Variants in SKP1 observed in about 807,000 individuals in gnomAD.
SKP1 encodes S-phase kinase-associated protein 1.
Under a neutral mutation model 21.5 loss-of-function variants are expected in SKP1, and 1 was observed. The ratio of observed to expected loss-of-function variants is 0.05; its 90% CI spans 0.02 to 0.22. The LOEUF (loss-of-function observed/expected upper bound fraction) is 0.22. Among genes scored for constraint, SKP1 ranks in the 10% least tolerant of loss-of-function variants. The pLI, the probability that SKP1 is intolerant of heterozygous loss-of-function variation, is 1.00. For missense variants in SKP1, 70 were observed against 192.0 expected, an observed-to-expected ratio of 0.36 and a Z score of 3.76; for synonymous variants, 59 against 59.3, an observed-to-expected ratio of 0.99 and a Z score of 0.03.
At chr5:134,160,043 G>A (rs946033994) in intron 4 of SKP1, among the ~76,000 whole-genome samples, 3 of 151,098 alleles carry the variant, frequency 2.0e-5, no homozygotes, top group African/African-American at 7.3e-5. Context: ...AAAAGAATAT[G>A]TATTCTGCTA....
intron 3 of SKP1, 108 bp downstream of exon 3, chr5:134,167,062 T>A (rs1201911532): frequency 2.0e-5 from 13 of 638,534 alleles, no homozygotes; most frequent in Non-Finnish European, 3.6e-5. Flanking sequence ...TAAATGTAAT[T>A]TTAAGCAGTA....
At position 134,155,980 on chromosome 5, in the gene SKP1, G is replaced by A. The variant is rs779756804; in HGVS notation, c.*1753C>T. 10 of 147,554 alleles carry A rather than the reference G, an allele frequency of 6.8e-5. No individual in the cohort carries two copies. Among genetic ancestry groups the A allele is most frequent in the Non-Finnish European group, 1.2e-4 (8 of 67,136 alleles). The allele number at this position is 147,554 out of a possible 1,614,324, so 9.1% of individuals were successfully genotyped here. The stretch of plus-strand genomic sequence containing the variant: ...GCTAATTTTTTTTTTTTTTTTTGGA[G>A]AGACAGGGACTTTCTGTGTTGCCCA... On this transcript the variant is annotated 3_prime_UTR_variant, in exon 6 of 6. Coordinates refer to ENST00000353411, the MANE Select transcript of SKP1 (RefSeq NM_170679.3).
At chr5:134,168,595 C>T (rs562045632) in intron 2 of SKP1, among the ~76,000 whole-genome samples, 7 of 152,232 alleles carry the variant, frequency 4.6e-5, no homozygotes, top group Middle Eastern at 6.8e-3. Flanking sequence ...GACACAATTA[C>T]GGGGCTATCA....
intron 3 of SKP1, chr5:134,161,361 T>G (rs920336201): frequency 1.6e-5 from 6 of 370,662 alleles, no homozygotes; most frequent in African/African-American, 6.2e-5. Context: ...TGTACTTGAC[T>G]ACATTAAAAA....
At chr5:134,169,346 A>G (rs1311229684) in intron 2 of SKP1, among the ~76,000 whole-genome samples, 1 of 152,254 alleles carries the variant, frequency 6.6e-6, no homozygotes, top group African/African-American at 2.4e-5. Context: ...ATCTCAGCTT[A>G]GAGTGAAACT....
chr5:134,166,565 G>A (rs530097527), intron 3 of SKP1, among the ~76,000 whole-genome samples: 1 of 99,482 alleles, frequency 1.0e-5, no homozygotes, highest in African/African-American at 4.1e-5. Context: ...TGGCGACAGA[G>A]CAAGACTCTG....
intron 3 of SKP1, among the ~76,000 whole-genome samples, chr5:134,164,227 G>T (rs898841931): frequency 1.3e-5 from 2 of 150,564 alleles, no homozygotes; most frequent in African/African-American, 4.9e-5. Flanking sequence ...GCTGAAGCAG[G>T]AGAACTGCTT....
chr5:134,172,707 A>G (rs527464018), intron 2 of SKP1, among the ~76,000 whole-genome samples: 19 of 152,070 alleles, frequency 1.2e-4, no homozygotes, highest in African/African-American at 4.6e-4. Flanking sequence ...ACATAGGGAG[A>G]TCCTGTCTCT....
intron 2 of SKP1, chr5:134,173,643 C>A: frequency 2.0e-6 from 1 of 488,202 alleles, no homozygotes; most frequent in Non-Finnish European, 3.9e-6. Flanking sequence ...TTCAAATTTA[C>A]TTGAACAGAA....
At chr5:134,170,403 T>C (rs986363075) in intron 2 of SKP1, among the ~76,000 whole-genome samples, 6 of 152,196 alleles carry the variant, frequency 3.9e-5, no homozygotes, top group Admixed American at 3.9e-4. Context: ...AGCTATTTAG[T>C]TTCAGGGACT....
chr5:134,149,330 CAT>C lies in SKP1; in HGVS notation c.*8401_*8402del, dbSNP rs1761002619. On this transcript the variant is annotated 3_prime_UTR_variant, in exon 6 of 6. Coordinates refer to ENST00000353411, the MANE Select transcript of SKP1 (RefSeq NM_170679.3). ...TTAGCTCCCTACAACCCACTTTTTA[CAT>C]GAGTTTCCACCAAGTACACTGCTGT... 2 of 152,200 alleles carry C rather than the reference CAT, an allele frequency of 1.3e-5. No individual in the cohort carries two copies. The highest frequency in any genetic ancestry group is 4.1e-4 in the South Asian group (2 of 4,834). The allele number at this position is 152,200 out of a possible 1,614,324, so 9.4% of individuals were successfully genotyped here. A position where few individuals can be genotyped will look rare whatever the true frequency, so the allele number is the denominator to read the frequency against.
Position 134,150,813 on chromosome 5 carries a change from T to G in SKP1, c.*6920A>C, listed in dbSNP as rs1198349704. 1 of 152,212 alleles carries G rather than the reference T, an allele frequency of 6.6e-6. No homozygotes were observed. The highest frequency in any genetic ancestry group is 1.5e-5 in the Non-Finnish European group (1 of 68,042). 9.4% of individuals were successfully genotyped at this position (152,212 alleles called of 1,614,324 possible). Reference sequence around the variant, plus strand: ...ACTCCTGAGCTCTTCTCTAATAGTTTGGAGCTACTAACAAACCATTACTGG... The same window carrying G: ...ACTCCTGAGCTCTTCTCTAATAGTTGGGAGCTACTAACAAACCATTACTGG... On this transcript the variant is annotated 3_prime_UTR_variant, in exon 6 of 6. Transcript: ENST00000353411.
At chr5:134,162,394 C>T (rs111398847) in intron 3 of SKP1, among the ~76,000 whole-genome samples, 22 of 151,970 alleles carry the variant, frequency 1.4e-4, no homozygotes, top group African/African-American at 4.8e-4. Flanking sequence ...GCCTGGCCAG[C>T]GAAAGGTTTT....
intron 3 of SKP1, among the ~76,000 whole-genome samples, chr5:134,164,255 G>T (rs1022214432): frequency 1.3e-5 from 2 of 149,764 alleles, no homozygotes; most frequent in African/African-American, 5.0e-5. Flanking sequence ...GGAGGCAGAG[G>T]CTGCAGTGAG....
At chr5:134,171,437 G>T (rs1761438628) in intron 2 of SKP1, among the ~76,000 whole-genome samples, 1 of 152,088 alleles carries the variant, frequency 6.6e-6, no homozygotes, top group Non-Finnish European at 1.5e-5. Flanking sequence ...TCATCTTCCA[G>T]AGTTAAACTC....
At chr5:134,174,130 A>G (rs1485521601) in intron 1 of SKP1, 108 bp from the exon 2 acceptor site, 2 of 702,500 alleles carry the variant, frequency 2.8e-6, no homozygotes, top group African/African-American at 3.6e-5. Flanking sequence ...ACAAAGTTCT[A>G]AGAACCTACA....
rs1328516311 is a variant in SKP1 at position 134,148,988 on chromosome 5, T to A, written c.*8745A>T. On this transcript the variant is annotated 3_prime_UTR_variant, in exon 6 of 6. Coordinates refer to ENST00000353411, the MANE Select transcript of SKP1 (RefSeq NM_170679.3). ...ATATCCACTTTATTTTTAGATTATT[T>A]GTATACATTTAGGGGGTACAAATGC... The A allele has an allele frequency of 1.3e-5, 2 of 152,252 alleles. No homozygotes were observed. The highest frequency in any genetic ancestry group is 2.4e-5 in the African/African-American group (1 of 41,470). 9.4% of individuals were successfully genotyped at this position (152,252 alleles called of 1,614,324 possible).
At chr5:134,162,273 G>A (rs1398790381) in intron 3 of SKP1, among the ~76,000 whole-genome samples, 1 of 151,952 alleles carries the variant, frequency 6.6e-6, no homozygotes, top group Non-Finnish European at 1.5e-5. Context: ...GCTCATTTTT[G>A]TATTTTGTTT....
intron 2 of SKP1, chr5:134,171,018 T>G (rs768204687): frequency 4.4e-6 from 2 of 456,194 alleles, no homozygotes; most frequent in Middle Eastern, 3.3e-4. Context: ...CTTCATTCAA[T>G]AGGTACTTGA....
Sources: allele counts gnomAD v4.1 joint callset (sites outside exome capture counted in the v4.1 genomes callset), GRCh38; gene constraint gnomAD v4.1.1; transcripts MANE v1.5; gene names NCBI Gene and HGNC (gene_info 2026-07-23, HGNC 2026-07-21).